Variants in BMPR1B observed in about 807,000 individuals in gnomAD.
The protein encoded by BMPR1B is bone morphogenetic protein receptor type-1B.
In BMPR1B, 12 loss-of-function variants were observed where a neutral mutation model predicts 59.1. The observed-to-expected ratio is 0.20, with a 90% CI of 0.13 to 0.33. BMPR1B has a LOEUF of 0.33. Among genes scored for constraint, BMPR1B ranks in the 10% least tolerant of loss-of-function variants. The probability of loss-of-function intolerance (pLI) is 1.00; values close to 1 mark genes in which losing one functional copy is unlikely to be tolerated. For synonymous variants in BMPR1B, 237 were observed against 207.3 expected (o/e 1.14, Z -1.23); for missense variants, 550 against 610.9 (o/e 0.90, Z 1.05).
chr4:94,822,733 T>C (rs1211741670), intron 1 of BMPR1B, among the ~76,000 whole-genome samples: 1 of 152,108 alleles, frequency 6.6e-6, no homozygotes, highest in Non-Finnish European at 1.5e-5. Context: ...GATGACTACT[T>C]TGGGTGCATT....
intron 1 of BMPR1B, among the ~76,000 whole-genome samples, chr4:94,874,484 T>C (rs1726636983): frequency 6.6e-6 from 1 of 152,192 alleles, no homozygotes. Flanking sequence ...ATGGAAATCA[T>C]GGAGCATATG....
chr4:95,112,515 C>G (rs1004849590), intron 4 of BMPR1B, among the ~76,000 whole-genome samples: 3 of 152,054 alleles, frequency 2.0e-5, no homozygotes, highest in Non-Finnish European at 4.4e-5. Context: ...GTTGATGTTC[C>G]TTGCTGGAGA....
chr4:94,857,990 G>T (rs1725829988), intron 1 of BMPR1B, among the ~76,000 whole-genome samples: 1 of 152,080 alleles, frequency 6.6e-6, no homozygotes, highest in African/African-American at 2.4e-5. Context: ...CTGTCGCCCA[G>T]GCTGGAGTGC....
At chr4:94,881,271 T>C (rs1726957516) in intron 2 of BMPR1B, among the ~76,000 whole-genome samples, 1 of 152,138 alleles carries the variant, frequency 6.6e-6, no homozygotes, top group Admixed American at 6.5e-5. Context: ...AACGTTACTA[T>C]TGTTGAAGGA....
chr4:94,852,905 C>G (rs1420956447), intron 1 of BMPR1B, among the ~76,000 whole-genome samples: 1 of 152,070 alleles, frequency 6.6e-6, no homozygotes, highest in East Asian at 1.9e-4. Flanking sequence ...TGTGGAATTC[C>G]AGCTACAAGA....
chr4:94,998,672 C>G (rs563107371), intron 3 of BMPR1B, among the ~76,000 whole-genome samples: 235 of 152,254 alleles, frequency 1.5e-3, no homozygotes, highest in African/African-American at 5.3e-3. Context: ...CACGCCCAGC[C>G]TGCTGCATTA....
At chr4:95,052,011 G>A (rs1057096606) in intron 3 of BMPR1B, among the ~76,000 whole-genome samples, 25 of 152,164 alleles carry the variant, frequency 1.6e-4, no homozygotes, top group Admixed American at 4.6e-4. Context: ...TAACAATTGA[G>A]AATTAAATAC....
At chr4:95,024,584 T>G (rs1051881011) in intron 3 of BMPR1B, among the ~76,000 whole-genome samples, 1 of 152,154 alleles carries the variant, frequency 6.6e-6, no homozygotes, top group Non-Finnish European at 1.5e-5. Flanking sequence ...CTTCACCAGT[T>G]TCCTAAATAT....
intron 3 of BMPR1B, among the ~76,000 whole-genome samples, chr4:95,102,312 T>C (rs1429306196): frequency 6.6e-6 from 1 of 152,216 alleles, no homozygotes; most frequent in Non-Finnish European, 1.5e-5. Context: ...CAGTGTTCCA[T>C]TTAACAGCTT....
intron 1 of BMPR1B, among the ~76,000 whole-genome samples, chr4:94,815,958 A>AAAAAATGAATATGTTTT (rs1723994379): frequency 6.6e-6 from 1 of 152,186 alleles, no homozygotes. Context: ...ATATTATCCT[A>AAAAAATGAATATGTTTT]AAAAATGAAT....
chr4:94,936,143 G>A (rs1238764398), intron 2 of BMPR1B, among the ~76,000 whole-genome samples: 1 of 152,024 alleles, frequency 6.6e-6, no homozygotes, highest in Non-Finnish European at 1.5e-5. Flanking sequence ...ATCTGACCGT[G>A]GTATTCATGC....
intron 2 of BMPR1B, among the ~76,000 whole-genome samples, chr4:94,994,591 T>G (rs1329952918): frequency 6.6e-6 from 1 of 152,206 alleles, no homozygotes; most frequent in African/African-American, 2.4e-5. Context: ...AGCACCTATA[T>G]ACCTGTGTCG....
At chr4:94,840,957 C>A (rs1725034861) in intron 1 of BMPR1B, among the ~76,000 whole-genome samples, 1 of 146,804 alleles carries the variant, frequency 6.8e-6, no homozygotes, top group Non-Finnish European at 1.5e-5. Flanking sequence ...GATGTCCTTT[C>A]TGTTTGTTAG....
At chr4:94,957,518 T>G (rs1485758595) in intron 2 of BMPR1B, among the ~76,000 whole-genome samples, 1 of 152,016 alleles carries the variant, frequency 6.6e-6, no homozygotes, top group Non-Finnish European at 1.5e-5. Context: ...TCTTTTTCTT[T>G]TCTTTCTTTG....
At chr4:95,130,837 TCTC>T (rs1436591058) in intron 9 of BMPR1B, among the ~76,000 whole-genome samples, 1 of 150,452 alleles carries the variant, frequency 6.6e-6, no homozygotes. Flanking sequence ...TTAAAGCAAT[TCTC>T]CTGCTTAGCT....
intron 3 of BMPR1B, among the ~76,000 whole-genome samples, chr4:95,048,426 A>G (rs1726198136): frequency 6.6e-6 from 1 of 152,222 alleles, no homozygotes; most frequent in Non-Finnish European, 1.5e-5. Context: ...CAAGCAATGT[A>G]TAAGCATTCC....
At chr4:95,043,181 CAAAAAAAAAAAAAAAA>C (rs751904820) in intron 3 of BMPR1B, among the ~76,000 whole-genome samples, 2 of 51,438 alleles carry the variant, frequency 3.9e-5, no homozygotes, top group Non-Finnish European at 6.1e-5. Flanking sequence ...GACTCCGTCT[CAAAAAAAAAAAAAAAA>C]AAAAAAAAAA....
At chr4:95,018,675 T>G (rs1401101792) in intron 3 of BMPR1B, among the ~76,000 whole-genome samples, 1 of 152,230 alleles carries the variant, frequency 6.6e-6, no homozygotes, top group African/African-American at 2.4e-5. Flanking sequence ...TTGGAATTAT[T>G]ATTTCACACA....
At chr4:95,084,471 G>A (rs1729417358) in intron 3 of BMPR1B, among the ~76,000 whole-genome samples, 2 of 152,090 alleles carry the variant, frequency 1.3e-5, no homozygotes, top group African/African-American at 4.8e-5. Flanking sequence ...GCAATGGGAG[G>A]TTAGATGCCC....
Sources: allele counts gnomAD v4.1 joint callset (sites outside exome capture counted in the v4.1 genomes callset), GRCh38; gene constraint gnomAD v4.1.1; transcripts MANE v1.5; gene names NCBI Gene and HGNC (gene_info 2026-07-23, HGNC 2026-07-21).